The following BEAN1 variants were observed in gnomAD, a reference collection of about 807,000 sequenced individuals.
BEAN1 encodes protein BEAN1.
A neutral mutation model predicts 17.7 loss-of-function variants in BEAN1; 17 were observed. The ratio of observed to expected loss-of-function variants is 0.96; its 90% CI spans 0.66 to 1.44. BEAN1 has a LOEUF of 1.44. Ranked by LOEUF, BEAN1 falls within the 40% of genes most tolerant of loss-of-function variation. The probability of loss-of-function intolerance (pLI) is 0.00; values close to 1 mark genes in which losing one functional copy is unlikely to be tolerated. For synonymous variants in BEAN1, 142 were observed against 151.8 expected (o/e 0.94, Z 0.47); for missense variants, 359 against 374.1 (o/e 0.96, Z 0.33).
chr16:66,493,537 G>A (rs1302420410), downstream of BEAN1: 26 of 583,230 alleles, frequency 4.5e-5, no homozygotes. Context: ...GGTTTCCCAA[G>A]GACATTTTCC....
chr16:66,487,139 C>T (rs898487342), downstream of BEAN1, among the ~76,000 whole-genome samples: 1 of 152,220 alleles, frequency 6.6e-6, no homozygotes, highest in Non-Finnish European at 1.5e-5. Context: ...ACTTACAAGA[C>T]TCTTCCAAGG....
At chr16:66,484,684 A>G (rs141480970), downstream of BEAN1, 253 of 454,138 alleles carry the variant, frequency 5.6e-4, no homozygotes, top group African/African-American at 4.7e-3. This position sits in a 1 kb window ranked among gnomAD's most constrained non-coding sequence, Gnocchi z 4.2. Context: ...GGAGTGAGGC[A>G]GGAAACAAGA....
At chr16:66,461,569 G>GACACACACACACACACAC (rs34246549) in intron 2 of BEAN1, among the ~76,000 whole-genome samples, 11 of 140,938 alleles carry the variant, frequency 7.8e-5, no homozygotes, top group Middle Eastern at 3.7e-3. Flanking sequence ...GGCAGGCGCA[G>GACACACACACACACACAC]ACACACACAC....
intron 2 of BEAN1, among the ~76,000 whole-genome samples, chr16:66,452,750 G>T (rs1962720815): frequency 6.6e-6 from 1 of 152,112 alleles, no homozygotes; most frequent in Non-Finnish European, 1.5e-5. Context: ...TTCATAGCTG[G>T]GTTTCCCAAT....
intron 2 of BEAN1, among the ~76,000 whole-genome samples, chr16:66,447,253 A>G (rs562949795): frequency 6.6e-6 from 1 of 152,280 alleles, no homozygotes; most frequent in Non-Finnish European, 1.5e-5. Context: ...GAATGGGCCT[A>G]AGGAAGAGGA....
rs1192365172 is a variant in BEAN1 at position 66,473,258 on chromosome 16, G to C, written c.289+3393G>C. Among the ~76,000 whole-genome samples the C allele has an allele frequency of 1.3e-5, 2 of 152,152 alleles. No individual in the cohort carries two copies. Among genetic ancestry groups the C allele is most frequent in the Non-Finnish European group, 2.9e-5 (2 of 68,022 alleles). On this transcript the variant is annotated intron_variant, in intron 3 of 4. Transcript: ENST00000536005. The surrounding 1 kb of genome is among the most constrained non-coding windows in gnomAD (Gnocchi z 4.5). ...AGGCCTCGGCTCTGTCCCTGGGGTG[G>C]GTGGGATGACTGAGGTCACAGCTCT...
chr16:66,475,685 A>C (rs982031981), intron 3 of BEAN1: 2 of 152,288 alleles, frequency 1.3e-5, no homozygotes, highest in African/African-American at 4.8e-5. Context: ...TGCCCTGAAC[A>C]GGAGAAACAA....
rs566722648 is a variant in BEAN1, at chr16:66,467,606, G to A, written c.26-1996G>A. On this transcript the variant is annotated intron_variant, in intron 2 of 4. Coordinates refer to ENST00000536005, the MANE Select transcript of BEAN1 (RefSeq NM_001178020.3). Reference sequence around the variant, plus strand: ...AAGGTGAGATTTGGATGGGGACACAGAGCCAAACTATATCAGCATCCAAGA... The same window carrying A: ...AAGGTGAGATTTGGATGGGGACACAAAGCCAAACTATATCAGCATCCAAGA... Among the ~76,000 whole-genome samples the A allele has an allele frequency of 4.6e-5, 7 of 152,290 alleles. No homozygotes were observed. The South Asian group carries it at 1.5e-3, about 32-fold the overall frequency.
At chr16:66,435,241 G>C (rs893197) in intron 1 of BEAN1, among the ~76,000 whole-genome samples, 38,760 of 151,996 alleles carry the variant, frequency 0.26, 5,898 homozygotes, top group Non-Finnish European at 0.34. Flanking sequence ...CTGGGGGTGA[G>C]AGAGTCCCTC....
chr16:66,452,466 G>A (rs1962707779), intron 2 of BEAN1, among the ~76,000 whole-genome samples: 1 of 152,136 alleles, frequency 6.6e-6, no homozygotes, highest in Non-Finnish European at 1.5e-5. Flanking sequence ...CTTTGGGCCT[G>A]GGCAGCATGG....
chr16:66,461,314 C>G (rs549192044), intron 2 of BEAN1, among the ~76,000 whole-genome samples: 1 of 152,156 alleles, frequency 6.6e-6, no homozygotes, highest in South Asian at 2.1e-4. Flanking sequence ...CAGCGCCTAC[C>G]TCTGCCGGTT....
intron 2 of BEAN1, among the ~76,000 whole-genome samples, chr16:66,439,362 A>T (rs538191673): frequency 6.6e-6 from 1 of 152,364 alleles, no homozygotes; most frequent in East Asian, 1.9e-4. Flanking sequence ...AGGGCACCCC[A>T]GAGCCCAGGG....
At chr16:66,440,311 TA>T (rs1485230305) in intron 2 of BEAN1, among the ~76,000 whole-genome samples, 1 of 151,878 alleles carries the variant, frequency 6.6e-6, no homozygotes, top group Non-Finnish European at 1.5e-5. Context: ...TTTTTGTTTT[TA>T]ATAGAGATAG....
At chr16:66,463,242 C>G (rs545834838) in intron 2 of BEAN1, among the ~76,000 whole-genome samples, 31 of 152,190 alleles carry the variant, frequency 2.0e-4, no homozygotes, top group Non-Finnish European at 3.8e-4. Flanking sequence ...AGCAGCTGTA[C>G]CATTCTACAT....
At chr16:66,454,212 G>A (rs1402631389) in intron 2 of BEAN1, among the ~76,000 whole-genome samples, 4 of 152,192 alleles carry the variant, frequency 2.6e-5, no homozygotes, top group Admixed American at 6.5e-5. Flanking sequence ...AAAAGAATGC[G>A]TAATCTTCAG....
At chr16:66,432,769 G>A (rs1018427112) in intron 1 of BEAN1, among the ~76,000 whole-genome samples, 12 of 152,154 alleles carry the variant, frequency 7.9e-5, no homozygotes, top group Non-Finnish European at 1.0e-4. Context: ...CCCACCAAGG[G>A]TGTTCCCGCC....
At position 66,481,018 on chromosome 16, in the gene BEAN1, C is replaced by A. The variant is rs572972975; in HGVS notation, c.*93C>A. 1.4e-4 allele frequency: 163 copies of A among 1,127,414 alleles called. No homozygotes were observed. The highest frequency in any genetic ancestry group is 1.7e-4 in the Non-Finnish European group (138 of 822,624). 69.8% of individuals were successfully genotyped at this position (1,127,414 alleles called of 1,614,324 possible). A position where few individuals can be genotyped will look rare whatever the true frequency, so the allele number is the denominator to read the frequency against. ...GTGCACACACACACAGAGATGCACA[C>A]GTGACTCATAACACACACATAGACC... On this transcript the variant is annotated 3_prime_UTR_variant, in exon 5 of 5. Coordinates refer to ENST00000536005, the MANE Select transcript of BEAN1 (RefSeq NM_001178020.3). This position sits in a 1 kb window ranked among gnomAD's most constrained non-coding sequence, Gnocchi z 4.1.
chr16:66,427,774 GAACCCAAGACAGCCTCCCCAGCAGC>G lies in BEAN1; in HGVS notation c.-83+344_-83+368del, dbSNP rs1961637401. 1 of 152,138 alleles carries G rather than the reference GAACCCAAGACAGCCTCCCCAGCAGC, an allele frequency of 6.6e-6. No homozygotes were observed. Among genetic ancestry groups the G allele is most frequent in the Non-Finnish European group, 1.5e-5 (1 of 68,038 alleles). The allele number at this position is 152,138 out of a possible 1,614,324, so 9.4% of individuals were successfully genotyped here. A position where few individuals can be genotyped will look rare whatever the true frequency, so the allele number is the denominator to read the frequency against. ...CCGACGAGCATCAACCGCATTTGGG[GAACCCAAGACAGCCTCCCCAGCAGC>G]TTGCCCTCGGTTTCGGGGACCCCTG... On this transcript the variant is annotated intron_variant, in intron 1 of 4. Transcript: ENST00000536005. The surrounding 1 kb of genome is among the most constrained non-coding windows in gnomAD (Gnocchi z 4.7).
At chr16:66,447,513 G>A (rs1962500063) in intron 2 of BEAN1, among the ~76,000 whole-genome samples, 1 of 152,116 alleles carries the variant, frequency 6.6e-6, no homozygotes. Flanking sequence ...AACTAACTCA[G>A]TCTTCCCTGC....
Sources: allele counts gnomAD v4.1 joint callset (sites outside exome capture counted in the v4.1 genomes callset), GRCh38; gene constraint gnomAD v4.1.1; non-coding constraint Gnocchi (gnomAD v3.1); transcripts MANE v1.5; gene names NCBI Gene and HGNC (gene_info 2026-07-23, HGNC 2026-07-21).